ADGRL2: variants seen among roughly 807,000 people sequenced by gnomAD.
ADGRL2 encodes adhesion G protein-coupled receptor L2.
ADGRL2 carries 44 observed loss-of-function variants against 157.4 expected under a neutral mutation model. The observed-to-expected ratio is 0.28, with a 90% CI of 0.22 to 0.36. ADGRL2 has a LOEUF of 0.36. Ranked by LOEUF, ADGRL2 falls within the 10% of genes least tolerant of loss-of-function variation. The probability of loss-of-function intolerance (pLI) is 1.00; values close to 1 mark genes in which losing one functional copy is unlikely to be tolerated. For synonymous variants in ADGRL2, 585 were observed against 624.7 expected, an observed-to-expected ratio of 0.94 and a Z score of 0.95; for missense variants, 1,510 against 1,768.9, an observed-to-expected ratio of 0.85 and a Z score of 2.63.
chr1:81,794,064 T>C (rs1455002734), intron 2 of ADGRL2, among the ~76,000 whole-genome samples: 1 of 152,148 alleles, frequency 6.6e-6, no homozygotes, highest in Non-Finnish European at 1.5e-5. Context: ...GTTATATCCA[T>C]TACCTCTTAC....
intron 2 of ADGRL2, chr1:81,502,197 A>G (rs2078867816): frequency 4.4e-6 from 7 of 1,597,140 alleles, no homozygotes; most frequent in South Asian, 1.1e-5. Context: ...CCCATGTCCA[A>G]TCTACTTCCA....
chr1:81,596,535 G>C (rs2081236994), intron 3 of ADGRL2: 1 of 351,362 alleles, frequency 2.8e-6, no homozygotes, highest in Admixed American at 3.1e-5. Flanking sequence ...TGACCGACTT[G>C]TTCCTTGGCA....
At chr1:81,530,591 C>T (rs185336463) in intron 2 of ADGRL2, among the ~76,000 whole-genome samples, 9 of 152,026 alleles carry the variant, frequency 5.9e-5, no homozygotes, top group Non-Finnish European at 7.4e-5. Context: ...TCAAGTGGTC[C>T]GACTGCCTCA....
In ADGRL2 at chr1:81,536,638, T is replaced by C. The variant is rs2079744620; in HGVS notation, c.-247-44238T>C. The stretch of plus-strand genomic sequence containing the variant: ...TTGTTTGTTTGTGTCTTTGTTTCTT[T>C]GTCGTCGTTGTTTTCCTTTGGTGGT... On this transcript the variant is annotated intron_variant, in intron 2 of 24. Coordinates refer to the ADGRL2 transcript ENST00000370721. Among the ~76,000 whole-genome samples, 3 of 152,354 alleles carry C rather than the reference T, an allele frequency of 2.0e-5. No homozygotes were observed. The South Asian group carries it at 6.2e-4, about 32-fold the overall frequency.
chr1:81,827,669 A>G (rs138773256), intron 1 of ADGRL2, among the ~76,000 whole-genome samples: 1 of 152,092 alleles, frequency 6.6e-6, no homozygotes, highest in Non-Finnish European at 1.5e-5. Context: ...CACTTCAAGC[A>G]TTTCTCTTGC....
intron 2 of ADGRL2, among the ~76,000 whole-genome samples, chr1:81,870,252 G>A (rs1454239290): frequency 1.3e-5 from 2 of 151,782 alleles, no homozygotes; most frequent in African/African-American, 4.8e-5. Context: ...TACATAAATT[G>A]AAATACCTGA....
intron 19 of ADGRL2, among the ~76,000 whole-genome samples, chr1:81,983,934 T>C (rs1290635936): frequency 6.6e-6 from 1 of 152,056 alleles, no homozygotes; most frequent in East Asian, 1.9e-4. Flanking sequence ...TGTGTGCTAA[T>C]GAAGTGAATA....
chr1:81,844,461 C>A (rs2150362897), intron 2 of ADGRL2, among the ~76,000 whole-genome samples: 1 of 152,232 alleles, frequency 6.6e-6, no homozygotes, highest in Admixed American at 6.5e-5. Context: ...ATCTGAAGAC[C>A]ACATCAGAAG....
intron 2 of ADGRL2, among the ~76,000 whole-genome samples, chr1:81,570,617 G>A (rs530402030): frequency 1.3e-5 from 2 of 152,258 alleles, no homozygotes; most frequent in Non-Finnish European, 2.9e-5. Context: ...TCGAACTCCT[G>A]ACCTCGGGTG....
At chr1:81,965,735 C>A (rs1656851284) in intron 11 of ADGRL2, among the ~76,000 whole-genome samples, 1 of 152,120 alleles carries the variant, frequency 6.6e-6, no homozygotes, top group East Asian at 1.9e-4. Context: ...AATATAAAAC[C>A]TTGAAAGTTA....
At chr1:81,768,479 C>CTTTTT (rs111907751) in intron 2 of ADGRL2, among the ~76,000 whole-genome samples, 1 of 144,248 alleles carries the variant, frequency 6.9e-6, no homozygotes, top group African/African-American at 2.5e-5. Context: ...TGAAGTACCT[C>CTTTTT]TTTTTTTTTT....
chr1:81,318,852 ATC>A (rs1660288850), intron 1 of ADGRL2, among the ~76,000 whole-genome samples: 1 of 148,134 alleles, frequency 6.8e-6, no homozygotes, highest in East Asian at 2.0e-4. Flanking sequence ...TACTTTAATC[ATC>A]TCTGTCTTCT....
At chr1:81,512,389 T>A (rs1484151089) in intron 2 of ADGRL2, among the ~76,000 whole-genome samples, 2 of 152,204 alleles carry the variant, frequency 1.3e-5, no homozygotes, top group Non-Finnish European at 2.9e-5. Context: ...TGGTATGGAT[T>A]CCCATATGGG....
chr1:81,973,240 TTC>T (rs972334871), intron 17 of ADGRL2, among the ~76,000 whole-genome samples: 1 of 152,190 alleles, frequency 6.6e-6, no homozygotes, highest in African/African-American at 2.4e-5. Flanking sequence ...CAGTAAAACA[TTC>T]TCAAGTATTC....
chr1:81,456,231 TC>T (rs1047456864), intron 2 of ADGRL2, among the ~76,000 whole-genome samples: 12 of 151,856 alleles, frequency 7.9e-5, no homozygotes, highest in Admixed American at 6.6e-4. Flanking sequence ...TCTTCCTTTC[TC>T]TTTTTTTAAG....
chr1:81,867,412 C>T (rs1009453328), intron 2 of ADGRL2, among the ~76,000 whole-genome samples: 5 of 152,190 alleles, frequency 3.3e-5, no homozygotes, highest in Admixed American at 3.3e-4. Flanking sequence ...TTGCTATGTG[C>T]TCATGGGCCT....
intron 2 of ADGRL2, chr1:81,514,843 C>T (rs1453778880): frequency 6.6e-6 from 1 of 152,168 alleles, no homozygotes; most frequent in Non-Finnish European, 1.5e-5. Flanking sequence ...ACCATCTCTG[C>T]AGTGTTGTGT....
intron 1 of ADGRL2, among the ~76,000 whole-genome samples, chr1:81,735,680 C>T (rs2084872547): frequency 6.6e-6 from 1 of 151,838 alleles, no homozygotes; most frequent in Non-Finnish European, 1.5e-5. Context: ...ATCCCAGCTA[C>T]CTGGGAGGCT....
chr1:81,434,068 C>G (rs1427446229), intron 1 of ADGRL2, among the ~76,000 whole-genome samples: 1 of 152,184 alleles, frequency 6.6e-6, no homozygotes, highest in Non-Finnish European at 1.5e-5. Flanking sequence ...AAGCCAGGAC[C>G]TAGTATGCTA....
Sources: gnomAD v4.1 joint callset for allele counts (sites outside exome capture counted in the v4.1 genomes callset) on GRCh38, gnomAD v4.1.1 for gene constraint, MANE v1.5 for transcripts, NCBI Gene and HGNC (gene_info 2026-07-23, HGNC 2026-07-21) for gene names.